The following TPP2 variants were observed in gnomAD, a reference collection of about 807,000 sequenced individuals.
TPP2 encodes tripeptidyl-peptidase 2.
In TPP2, 34 loss-of-function variants were observed where a neutral mutation model predicts 155.9. The ratio of observed to expected loss-of-function variants is 0.22; its 90% CI spans 0.17 to 0.29. TPP2 has a LOEUF of 0.29. TPP2 is among the 10% of genes least tolerant of loss of function. The pLI is 1.00. For missense variants in TPP2, 1,028 were observed against 1,522.3 expected (o/e 0.68, Z 5.40); for synonymous variants, 510 against 529.4 (o/e 0.96, Z 0.50).
intron 2 of TPP2, among the ~76,000 whole-genome samples, chr13:102,611,723 A>G (rs1388064965): frequency 6.6e-6 from 1 of 152,216 alleles, no homozygotes. Context: ...CCCCATGATC[A>G]TAGAGATATT....
intron 1 of TPP2, 132 bp downstream of exon 1, chr13:102,597,335 G>A (rs1314990988): frequency 2.0e-6 from 1 of 497,680 alleles, no homozygotes; most frequent in Non-Finnish European, 3.2e-6. Flanking sequence ...GGCAGCACCG[G>A]GGTGGGCAGA....
chr13:102,668,688 G>C (rs1322190934), intron 27 of TPP2, among the ~76,000 whole-genome samples: 2 of 152,204 alleles, frequency 1.3e-5, no homozygotes, highest in Non-Finnish European at 2.9e-5. Context: ...TCTAAATGAT[G>C]ATCCCAATAG....
intron 4 of TPP2, 65 bp from the exon 5 acceptor site, chr13:102,618,657 G>T: frequency 6.4e-7 from 1 of 1,561,046 alleles, no homozygotes. Flanking sequence ...ATCTTTGGCT[G>T]TATGTTAATA....
At chr13:102,649,364 T>C (rs749216278) in intron 22 of TPP2, 44 bp from the exon 23 acceptor site, 1 of 1,576,684 alleles carries the variant, frequency 6.3e-7, no homozygotes. Flanking sequence ...TTTGTGAAAC[T>C]TTCTCTTTTG....
intron 1 of TPP2, among the ~76,000 whole-genome samples, chr13:102,601,673 G>T (rs1297802617): frequency 1.3e-5 from 2 of 152,144 alleles, no homozygotes; most frequent in South Asian, 2.1e-4. Flanking sequence ...TCTCAGAGAT[G>T]AGTGATATAG....
chr13:102,660,047 T>C (rs1386569867), intron 25 of TPP2, among the ~76,000 whole-genome samples: 3 of 151,918 alleles, frequency 2.0e-5, no homozygotes, highest in Non-Finnish European at 2.9e-5. Flanking sequence ...ACAGATAGAA[T>C]ACTACTACAG....
intron 25 of TPP2, 94 bp from the exon 26 acceptor site, chr13:102,663,554 G>T: frequency 6.2e-6 from 5 of 809,428 alleles, no homozygotes; most frequent in Admixed American, 3.6e-5. Context: ...TTATTTTATT[G>T]GCTTAAACTT....
chr13:102,606,831 TC>T (rs1322641710), intron 2 of TPP2, among the ~76,000 whole-genome samples: 2 of 152,232 alleles, frequency 1.3e-5, no homozygotes. Flanking sequence ...AGGTTCTACT[TC>T]CTTTTCTGTG....
chr13:102,667,951 T>A, intron 27 of TPP2: 1 of 304,606 alleles, frequency 3.3e-6, no homozygotes, highest in Non-Finnish European at 4.8e-6. Flanking sequence ...GCAGTCCCCC[T>A]GAGCCAGCGA....
chr13:102,619,137 A>C (rs887298078), intron 5 of TPP2, among the ~76,000 whole-genome samples: 1 of 152,178 alleles, frequency 6.6e-6, no homozygotes, highest in African/African-American at 2.4e-5. Context: ...CTCATTTGTT[A>C]ATTGAGATAG....
At chr13:102,660,190 AAAAAAT>A (rs1317179085) in intron 25 of TPP2, among the ~76,000 whole-genome samples, 1 of 152,114 alleles carries the variant, frequency 6.6e-6, no homozygotes, top group East Asian at 1.9e-4. Context: ...ACCACTAAAA[AAAAAAT>A]AAAAATGAAC....
At chr13:102,675,966 A>AT (rs1292496622) in intron 28 of TPP2, among the ~76,000 whole-genome samples, 2 of 152,124 alleles carry the variant, frequency 1.3e-5, no homozygotes, top group African/African-American at 4.8e-5. Flanking sequence ...CAATTTTGGC[A>AT]TTTTTTATTT....
At chr13:102,668,691 C>G (rs1595218326) in intron 27 of TPP2, among the ~76,000 whole-genome samples, 1 of 152,130 alleles carries the variant, frequency 6.6e-6, no homozygotes, top group Non-Finnish European at 1.5e-5. Flanking sequence ...AAATGATGAT[C>G]CCAATAGCGT....
In TPP2 at chr13:102,630,157, A is replaced by G; in HGVS notation, c.1206A>G (p.Leu402=). Residue 402 remains leucine (L), a synonymous_variant, in exon 10 of 30, where the codon TTA becomes TTG. Transcript: ENST00000376052. The part of the protein sequence containing the change: ...MVAEYSLREK[L]PANQYTWSSR... ...CTGAGTATTCACTGAGAGAGAAATT[A>G]CCTGCAAATCAATATACTTGGTCTT... The G allele has an allele frequency of 1.2e-6, 2 of 1,613,742 alleles. No individual in the cohort carries two copies. Among genetic ancestry groups the G allele is most frequent in the African/African-American group, 1.3e-5 (1 of 75,034 alleles).
intron 27 of TPP2, among the ~76,000 whole-genome samples, chr13:102,673,427 A>G (rs939036381): frequency 1.3e-5 from 2 of 152,226 alleles, no homozygotes; most frequent in African/African-American, 2.4e-5. Context: ...TGTATCTGAC[A>G]TAAGTTGGAC....
At chr13:102,597,567 C>T (rs982978540) in intron 1 of TPP2, among the ~76,000 whole-genome samples, 1 of 151,854 alleles carries the variant, frequency 6.6e-6, no homozygotes, top group African/African-American at 2.4e-5. Context: ...CCAGGCCGGA[C>T]CCCCCAGGCT....
chr13:102,636,873 C>T (rs915879619), intron 13 of TPP2, among the ~76,000 whole-genome samples: 2 of 152,164 alleles, frequency 1.3e-5, no homozygotes, highest in African/African-American at 4.8e-5. Flanking sequence ...ATTTTAAGGT[C>T]ATACCAGTGC....
At position 102,604,915 on chromosome 13, in the gene TPP2, G is replaced by A. The variant is rs771159371; in HGVS notation, c.288G>A (p.Val96=). ...DGEIVGLSGR[V]LKIPASWTNP... ...AGATTGTTGGCCTTTCAGGAAGAGT[G>A]CTTAAGGTGAGACCTTTTGTCTTCT... The change falls in exon 2 of 30, where the codon GTG becomes GTA. Residue 96 remains valine (V), a synonymous_variant. Transcript: ENST00000376052. 15 of 1,610,398 alleles carry A rather than the reference G, an allele frequency of 9.3e-6. No individual in the cohort carries two copies. In the South Asian group the frequency reaches 1.3e-4, roughly 14 times the overall value.
chr13:102,644,446 T>C, intron 17 of TPP2, 111 bp from the exon 18 acceptor site: 1 of 923,098 alleles, frequency 1.1e-6, no homozygotes, highest in Non-Finnish European at 1.6e-6. Context: ...GTTTTCTTGC[T>C]ACAAACAGGA....
Sources: gnomAD v4.1 joint callset for allele counts (sites outside exome capture counted in the v4.1 genomes callset) on GRCh38, gnomAD v4.1.1 for gene constraint, MANE v1.5 for transcripts, NCBI Gene and HGNC (gene_info 2026-07-23, HGNC 2026-07-21) for gene names.